The following SLC2A13 variants were observed in gnomAD, a reference collection of about 807,000 sequenced individuals.
SLC2A13 encodes solute carrier family 2 member 13.
Under a neutral mutation model 64.4 loss-of-function variants are expected in SLC2A13, and 32 were observed. That is an observed-to-expected ratio of 0.50 (90% CI 0.37 to 0.67). The LOEUF is 0.67. Among genes scored for constraint, SLC2A13 ranks in the 30% least tolerant of loss-of-function variants. The pLI is 0.00. For synonymous variants in SLC2A13, 338 were observed against 327.1 expected (o/e 1.03, Z -0.36); for missense variants, 743 against 829.2 (o/e 0.90, Z 1.28).
chr12:39,760,809 TC>T (rs1258489508), intron 9 of SLC2A13, among the ~76,000 whole-genome samples: 2 of 152,020 alleles, frequency 1.3e-5, no homozygotes, highest in African/African-American at 4.8e-5. Flanking sequence ...AGTTTGGTTT[TC>T]TAAGGGTCAT....
At chr12:39,803,804 T>C (rs547081959) in intron 7 of SLC2A13, among the ~76,000 whole-genome samples, 2 of 152,230 alleles carry the variant, frequency 1.3e-5, no homozygotes, top group African/African-American at 4.8e-5. Flanking sequence ...AGAGATAATA[T>C]GGTAAGTAAT....
chr12:39,949,345 GGATT>G (rs1191222661), intron 4 of SLC2A13: 1 of 152,094 alleles, frequency 6.6e-6, no homozygotes, highest in African/African-American at 2.4e-5. Context: ...CTGTTTTCCA[GGATT>G]GATAATCAAA....
At chr12:40,099,227 A>G (rs1939066200) in intron 1 of SLC2A13, among the ~76,000 whole-genome samples, 1 of 152,226 alleles carries the variant, frequency 6.6e-6, no homozygotes, top group South Asian at 2.1e-4. Flanking sequence ...TTTCCTCCTG[A>G]CAATGGAAGT....
At chr12:39,994,950 A>G (rs1023056061) in intron 3 of SLC2A13, among the ~76,000 whole-genome samples, 4 of 152,226 alleles carry the variant, frequency 2.6e-5, no homozygotes, top group Admixed American at 6.5e-5. Flanking sequence ...ATACTTAAAC[A>G]TCAAAATTAA....
rs888066945 is a variant in SLC2A13 at position 39,759,052 on chromosome 12, A to G, written c.*974T>C. ...TTATTGTTTGAATAAAAGAAAGGGGAAAAATGGTTTGCTTGCAGCTATGTA... is the reference window on the plus strand; with the variant it reads ...TTATTGTTTGAATAAAAGAAAGGGGGAAAATGGTTTGCTTGCAGCTATGTA... On this transcript the variant is annotated 3_prime_UTR_variant, in exon 10 of 10. Transcript: ENST00000280871. 2 of 152,364 alleles carry G rather than the reference A, an allele frequency of 1.3e-5. No homozygotes were observed. The highest frequency in any genetic ancestry group is 2.1e-4 in the South Asian group (1 of 4,826). 9.4% of individuals were successfully genotyped at this position (152,364 alleles called of 1,614,324 possible). A position where few individuals can be genotyped will look rare whatever the true frequency, so the allele number is the denominator to read the frequency against.
intron 3 of SLC2A13, among the ~76,000 whole-genome samples, chr12:39,956,702 C>A (rs549811062): frequency 6.6e-6 from 1 of 152,068 alleles, no homozygotes; most frequent in Non-Finnish European, 1.5e-5. Context: ...TGATGAAGCC[C>A]CCTTAACACC....
intron 7 of SLC2A13, among the ~76,000 whole-genome samples, chr12:39,775,542 C>CT (rs1318361802): frequency 6.6e-6 from 1 of 152,206 alleles, no homozygotes; most frequent in Non-Finnish European, 1.5e-5. Flanking sequence ...TGTTTAGACT[C>CT]TATTAATTCA....
intron 5 of SLC2A13, among the ~76,000 whole-genome samples, chr12:39,866,336 G>A (rs577252334): frequency 6.6e-6 from 1 of 152,182 alleles, no homozygotes; most frequent in Non-Finnish European, 1.5e-5. Flanking sequence ...GTAGTTTTTA[G>A]CTAGCTTTGC....
At chr12:39,838,815 G>T (rs1172923787) in intron 6 of SLC2A13, among the ~76,000 whole-genome samples, 1 of 151,952 alleles carries the variant, frequency 6.6e-6, no homozygotes, top group African/African-American at 2.4e-5. Flanking sequence ...TGTGAAGCTG[G>T]GTGTGAACTC....
intron 4 of SLC2A13, among the ~76,000 whole-genome samples, chr12:39,872,193 A>G (rs1944075380): frequency 6.6e-6 from 1 of 152,224 alleles, no homozygotes; most frequent in Non-Finnish European, 1.5e-5. Flanking sequence ...CTGAGCAAGT[A>G]GATAAGGTTG....
chr12:39,929,035 A>G (rs1945777311), intron 4 of SLC2A13, among the ~76,000 whole-genome samples: 2 of 152,202 alleles, frequency 1.3e-5, no homozygotes, highest in South Asian at 2.1e-4. Flanking sequence ...ATGAATGTCC[A>G]GGATTGCAGA....
At chr12:40,031,505 G>A (rs1298451422) in intron 2 of SLC2A13, among the ~76,000 whole-genome samples, 3 of 152,180 alleles carry the variant, frequency 2.0e-5, no homozygotes, top group East Asian at 3.9e-4. Flanking sequence ...ACAGGCACGC[G>A]CCACTGCTTT....
intron 4 of SLC2A13, among the ~76,000 whole-genome samples, chr12:39,899,980 AG>A (rs1367852527): frequency 6.6e-6 from 1 of 151,862 alleles, no homozygotes; most frequent in Non-Finnish European, 1.5e-5. Context: ...CACATCAAAA[AG>A]CTTATCCACC....
intron 9 of SLC2A13, 111 bp from the exon 10 acceptor site, chr12:39,760,363 G>T: frequency 1.1e-6 from 1 of 932,582 alleles, no homozygotes; most frequent in Admixed American, 2.8e-5. Context: ...CATAATCACA[G>T]TATGAAATGG....
intron 6 of SLC2A13, among the ~76,000 whole-genome samples, chr12:39,841,774 T>C (rs941010398): frequency 6.6e-6 from 1 of 152,064 alleles, no homozygotes; most frequent in Admixed American, 6.6e-5. Context: ...GGTGACAATA[T>C]ACATTATTCA....
At chr12:39,785,336 G>T (rs1193531567) in intron 7 of SLC2A13, among the ~76,000 whole-genome samples, 1 of 152,226 alleles carries the variant, frequency 6.6e-6, no homozygotes, top group Non-Finnish European at 1.5e-5. Flanking sequence ...TGGCTTCAGA[G>T]AGTGGAAGCC....
intron 4 of SLC2A13, chr12:39,907,509 T>C (rs1945319252): frequency 6.6e-6 from 1 of 152,148 alleles, no homozygotes. Flanking sequence ...ATCAAAACCA[T>C]AATGTACCTG....
At chr12:40,032,699 C>A (rs1331474908) in intron 2 of SLC2A13, among the ~76,000 whole-genome samples, 1 of 152,194 alleles carries the variant, frequency 6.6e-6, no homozygotes, top group Non-Finnish European at 1.5e-5. Context: ...CACAACAAAC[C>A]AAACAGGTTC....
At chr12:39,957,319 A>T (rs943673243) in intron 3 of SLC2A13, among the ~76,000 whole-genome samples, 3 of 152,200 alleles carry the variant, frequency 2.0e-5, no homozygotes, top group African/African-American at 7.2e-5. Context: ...AAATGCCAAG[A>T]TATTTTGTAT....
Sources: gnomAD v4.1 joint callset for allele counts (sites outside exome capture counted in the v4.1 genomes callset) on GRCh38, gnomAD v4.1.1 for gene constraint, MANE v1.5 for transcripts, NCBI Gene and HGNC (gene_info 2026-07-23, HGNC 2026-07-21) for gene names.